The following ITGA9 variants were observed in gnomAD, a reference collection of about 807,000 sequenced individuals.
The protein encoded by ITGA9 is integrin subunit alpha 9.
Under a neutral mutation model 127.8 loss-of-function variants are expected in ITGA9, and 56 were observed. The observed-to-expected ratio is 0.44, with a 90% CI of 0.35 to 0.55. The LOEUF (loss-of-function observed/expected upper bound fraction) is 0.55. ITGA9 is among the 20% of genes least tolerant of loss of function. The pLI, the probability that ITGA9 is intolerant of heterozygous loss-of-function variation, is 0.00. For synonymous variants in ITGA9, 508 were observed against 514.5 expected, an observed-to-expected ratio of 0.99 and a Z score of 0.17; for missense variants, 1,196 against 1,347.1, an observed-to-expected ratio of 0.89 and a Z score of 1.76.
At chr3:37,812,208 A>C (rs1697376692) in intron 27 of ITGA9, among the ~76,000 whole-genome samples, 1 of 152,206 alleles carries the variant, frequency 6.6e-6, no homozygotes, top group South Asian at 2.1e-4. Context: ...TTGGGAGTAA[A>C]TATTGGGCTG....
intron 16 of ITGA9, among the ~76,000 whole-genome samples, chr3:37,636,703 TG>T (rs1271437197): frequency 6.6e-6 from 1 of 152,224 alleles, no homozygotes; most frequent in Non-Finnish European, 1.5e-5. Flanking sequence ...ATGAAGTCCT[TG>T]CCCATGCCTA....
intron 14 of ITGA9, 65 bp from the exon 15 acceptor site, chr3:37,542,360 A>C (rs2844349): frequency 0.2 from 315,615 of 1,552,942 alleles, 34,530 homozygotes; most frequent in Non-Finnish European, 0.23. Context: ...GTGACAAGGA[A>C]AAGAGGTGGC....
chr3:37,722,526 C>T (rs562670273), intron 18 of ITGA9, among the ~76,000 whole-genome samples: 2 of 152,304 alleles, frequency 1.3e-5, no homozygotes, highest in African/African-American at 4.8e-5. Flanking sequence ...TCTAGATTTG[C>T]CTATTCTGGA....
chr3:37,558,151 A>G (rs1015069260), intron 15 of ITGA9, among the ~76,000 whole-genome samples: 2 of 152,210 alleles, frequency 1.3e-5, no homozygotes, highest in Non-Finnish European at 2.9e-5. Flanking sequence ...CTGTGAGTCC[A>G]GGGCAGGCAG....
intron 14 of ITGA9, among the ~76,000 whole-genome samples, chr3:37,538,194 T>A (rs1214349146): frequency 6.6e-6 from 1 of 152,202 alleles, no homozygotes; most frequent in African/African-American, 2.4e-5. Context: ...AGCCTGAAAC[T>A]CGGGAAGGAG....
chr3:37,588,868 G>C (rs961517253), intron 15 of ITGA9, among the ~76,000 whole-genome samples: 1 of 152,206 alleles, frequency 6.6e-6, no homozygotes, highest in African/African-American at 2.4e-5. Flanking sequence ...GCCCTGTCCT[G>C]CTCTTGCCTT....
chr3:37,713,437 G>T (rs1701099922), intron 18 of ITGA9, among the ~76,000 whole-genome samples: 2 of 152,122 alleles, frequency 1.3e-5, no homozygotes, highest in Admixed American at 1.3e-4. Context: ...TCAGTGGAAG[G>T]GACTGATGCT....
intron 3 of ITGA9, among the ~76,000 whole-genome samples, chr3:37,480,569 A>AGT (rs1559516746): frequency 6.6e-6 from 1 of 152,128 alleles, no homozygotes; most frequent in Admixed American, 6.5e-5. Flanking sequence ...TGGTGACATG[A>AGT]GTGTGTACAT....
At chr3:37,510,364 G>GC (rs763353310) in intron 8 of ITGA9, among the ~76,000 whole-genome samples, 10 of 151,990 alleles carry the variant, frequency 6.6e-5, no homozygotes, top group Non-Finnish European at 4.4e-5. Flanking sequence ...TTGTAGCTGT[G>GC]CCCCCCCAAA....
chr3:37,489,817 A>G (rs1322039763), intron 4 of ITGA9, among the ~76,000 whole-genome samples: 1 of 152,112 alleles, frequency 6.6e-6, no homozygotes, highest in African/African-American at 2.4e-5. Context: ...CAGTGCCACA[A>G]TGAAATAGCA....
At chr3:37,478,339 G>T (rs1446960538) in intron 3 of ITGA9, among the ~76,000 whole-genome samples, 1 of 152,184 alleles carries the variant, frequency 6.6e-6, no homozygotes, top group African/African-American at 2.4e-5. Flanking sequence ...CTTTGTGGCC[G>T]AAGCACCCGG....
intron 2 of ITGA9, 152 bp downstream of exon 2, chr3:37,471,286 A>G: frequency 1.1e-6 from 1 of 894,230 alleles, no homozygotes; most frequent in Non-Finnish European, 1.8e-6. Flanking sequence ...TTGAGTACGT[A>G]ATAGTTATTA....
chr3:37,773,015 T>C (rs1013628646), intron 23 of ITGA9, among the ~76,000 whole-genome samples: 2 of 152,212 alleles, frequency 1.3e-5, no homozygotes, highest in Admixed American at 6.5e-5. Flanking sequence ...CTTAGGCTGT[T>C]TCTCACTCGC....
At chr3:37,666,680 C>G (rs745384096) in intron 17 of ITGA9, among the ~76,000 whole-genome samples, 4 of 152,190 alleles carry the variant, frequency 2.6e-5, no homozygotes, top group Non-Finnish European at 4.4e-5. Flanking sequence ...AATATATTCT[C>G]ACTTTTGCTA....
intron 26 of ITGA9, among the ~76,000 whole-genome samples, chr3:37,794,460 G>A (rs1697148819): frequency 6.6e-6 from 1 of 152,192 alleles, no homozygotes; most frequent in Admixed American, 6.5e-5. Flanking sequence ...AGCACATCAT[G>A]CTCAGACTTA....
intron 15 of ITGA9, among the ~76,000 whole-genome samples, chr3:37,618,972 C>T (rs1377499224): frequency 1.3e-5 from 2 of 152,172 alleles, no homozygotes; most frequent in Non-Finnish European, 2.9e-5. Context: ...CACTGTCCTG[C>T]ACCCACTGTC....
At chr3:37,671,816 G>T (rs1700639566) in intron 17 of ITGA9, among the ~76,000 whole-genome samples, 1 of 152,116 alleles carries the variant, frequency 6.6e-6, no homozygotes, top group African/African-American at 2.4e-5. Flanking sequence ...ATGATGAGAT[G>T]GGGAAGCACA....
At chr3:37,538,914 A>G (rs1014166242) in intron 14 of ITGA9, among the ~76,000 whole-genome samples, 1 of 152,228 alleles carries the variant, frequency 6.6e-6, no homozygotes, top group Non-Finnish European at 1.5e-5. Flanking sequence ...TTCCAGAATG[A>G]TTGCACTTGG....
chr3:37,567,624 G>A (rs1699560519), intron 15 of ITGA9, among the ~76,000 whole-genome samples: 1 of 152,060 alleles, frequency 6.6e-6, no homozygotes, highest in South Asian at 2.1e-4. Context: ...ATACAATGGG[G>A]GTATAGGCAT....
Sources: gnomAD v4.1 joint callset for allele counts (sites outside exome capture counted in the v4.1 genomes callset) on GRCh38, gnomAD v4.1.1 for gene constraint, MANE v1.5 for transcripts, NCBI Gene and HGNC (gene_info 2026-07-23, HGNC 2026-07-21) for gene names.